NTRK2: variants seen among roughly 807,000 people sequenced by gnomAD.
NTRK2 encodes the protein BDNF/NT-3 growth factors receptor.
A neutral mutation model predicts 94.5 loss-of-function variants in NTRK2; 13 were observed. The ratio of observed to expected loss-of-function variants is 0.14; its 90% confidence interval spans 0.09 to 0.22. The LOEUF is 0.22. Among genes scored for constraint, NTRK2 ranks in the 10% least tolerant of loss-of-function variants. The pLI is 1.00. For missense variants in NTRK2, 639 were observed against 1,071.2 expected, an observed-to-expected ratio of 0.60 and a Z score of 5.63; for synonymous variants, 372 against 407.4, an observed-to-expected ratio of 0.91 and a Z score of 1.05.
chr9:84,686,584 G>A (rs1036579337), intron 2 of NTRK2, among the ~76,000 whole-genome samples: 2 of 152,194 alleles, frequency 1.3e-5, no homozygotes, highest in Non-Finnish European at 2.9e-5. Flanking sequence ...CTTGGAGTAC[G>A]GATGATAGAG....
intron 15 of NTRK2, among the ~76,000 whole-genome samples, chr9:84,947,037 C>G (rs1423529527): frequency 6.6e-6 from 1 of 152,156 alleles, no homozygotes; most frequent in South Asian, 2.1e-4. Flanking sequence ...CTCCCTGCAA[C>G]CTCTGCCTCC....
At chr9:84,889,763 C>A (rs937540459) in intron 14 of NTRK2, among the ~76,000 whole-genome samples, 5 of 152,216 alleles carry the variant, frequency 3.3e-5, no homozygotes, top group African/African-American at 1.2e-4. Flanking sequence ...GTGGCATATT[C>A]TAAAAGTATA....
chr9:84,680,152 A>G (rs1032711950), intron 2 of NTRK2, among the ~76,000 whole-genome samples: 6 of 152,182 alleles, frequency 3.9e-5, no homozygotes, highest in African/African-American at 1.4e-4. Context: ...GTGGGCTGCC[A>G]TCATGCAAAA....
At chr9:84,996,168 T>C (rs1829725177) in intron 17 of NTRK2, among the ~76,000 whole-genome samples, 1 of 152,200 alleles carries the variant, frequency 6.6e-6, no homozygotes, top group Non-Finnish European at 1.5e-5. Flanking sequence ...GTGAATAGAT[T>C]TAGCATGAAA....
At chr9:84,733,741 G>T (rs2063055104) in intron 9 of NTRK2, among the ~76,000 whole-genome samples, 1 of 152,118 alleles carries the variant, frequency 6.6e-6, no homozygotes, top group Admixed American at 6.5e-5. Context: ...TTGATATTAG[G>T]CAGGACCCAG....
chr9:84,826,377 A>G (rs2073190852), intron 12 of NTRK2, among the ~76,000 whole-genome samples: 1 of 152,152 alleles, frequency 6.6e-6, no homozygotes, highest in East Asian at 1.9e-4. Flanking sequence ...AGAAATTCTC[A>G]TTAGATTTAA....
At position 84,924,295 on chromosome 9, in the gene NTRK2, G is replaced by GAAAGAAAGAA. The variant is rs1340172014; in HGVS notation, c.1634-9866_1634-9865insAAGAAAGAAA. ...AGAAAGAAAGAAAGAAAGAAAGAAA[G>GAAAGAAAGAA]AGGAAAAAAAGGAGGTTTATGCACA... On this transcript the variant is annotated intron_variant, in intron 14 of 18. Coordinates refer to ENST00000277120, the MANE Select transcript of NTRK2 (RefSeq NM_006180.6). 4.1e-5 allele frequency among the ~76,000 whole-genome samples: 6 copies of GAAAGAAAGAA among 147,822 alleles called. No homozygotes were observed. In the South Asian group the frequency reaches 6.6e-4, roughly 16 times the overall value.
intron 17 of NTRK2, among the ~76,000 whole-genome samples, chr9:85,000,494 T>C (rs1365473613): frequency 1.3e-5 from 2 of 152,178 alleles, no homozygotes; most frequent in Admixed American, 1.3e-4. Context: ...GGAATCATAC[T>C]TGATTCCAAC....
At chr9:84,995,068 A>G (rs766890646) in intron 17 of NTRK2, among the ~76,000 whole-genome samples, 1 of 152,242 alleles carries the variant, frequency 6.6e-6, no homozygotes, top group Non-Finnish European at 1.5e-5. Context: ...AGAACTAAAA[A>G]TTCCATGTGA....
At chr9:84,921,009 T>C (rs1333070210) in intron 14 of NTRK2, among the ~76,000 whole-genome samples, 1 of 152,216 alleles carries the variant, frequency 6.6e-6, no homozygotes, top group African/African-American at 2.4e-5. Context: ...TGGTTCATAC[T>C]AACATATAAG....
chr9:84,972,109 G>T (rs1826257968), intron 17 of NTRK2, among the ~76,000 whole-genome samples: 1 of 152,186 alleles, frequency 6.6e-6, no homozygotes, highest in African/African-American at 2.4e-5. Flanking sequence ...CAACGCCAAG[G>T]TGGGAGAGTT....
chr9:84,726,022 C>A (rs2062426917), intron 8 of NTRK2, among the ~76,000 whole-genome samples: 1 of 152,050 alleles, frequency 6.6e-6, no homozygotes, highest in African/African-American at 2.4e-5. Flanking sequence ...GGAGGATTTA[C>A]CTGAATACAA....
chr9:84,931,919 C>A (rs184088044), intron 14 of NTRK2, among the ~76,000 whole-genome samples: 7 of 152,260 alleles, frequency 4.6e-5, no homozygotes, highest in South Asian at 2.1e-4. Context: ...GAACACATTT[C>A]TCTCCTCTTA....
At chr9:84,748,459 A>G (rs1032348991) in intron 11 of NTRK2, among the ~76,000 whole-genome samples, 1 of 152,230 alleles carries the variant, frequency 6.6e-6, no homozygotes, top group Non-Finnish European at 1.5e-5. Flanking sequence ...AAGCCAGGGC[A>G]GGCATTACTG....
At chr9:84,705,053 A>G (rs2060960209) in intron 4 of NTRK2, among the ~76,000 whole-genome samples, 1 of 152,136 alleles carries the variant, frequency 6.6e-6, no homozygotes, top group African/African-American at 2.4e-5. Context: ...AATATGTATT[A>G]AAAGCTGTTT....
At chr9:84,688,547 C>G (rs72737664) in intron 2 of NTRK2, among the ~76,000 whole-genome samples, 14,267 of 152,164 alleles carry the variant, frequency 0.094, 904 homozygotes, top group African/African-American at 0.17. Context: ...AGATCACAAG[C>G]AAAGCATAGA....
chr9:84,862,335 G>A (rs2075374992), intron 13 of NTRK2, among the ~76,000 whole-genome samples: 1 of 152,184 alleles, frequency 6.6e-6, no homozygotes, highest in South Asian at 2.1e-4. Flanking sequence ...GTGTATGCGT[G>A]CGTAGGTGTA....
rs1157786861 is a variant in NTRK2 at position 84,876,813 on chromosome 9, T to C, written c.1633+9382T>C. The C allele has an allele frequency of 2.8e-6, 3 of 1,062,380 alleles. No individual in the cohort carries two copies. The South Asian group carries it at 1.4e-4, about 48-fold the overall frequency. The allele number at this position is 1,062,380 out of a possible 1,614,324, so 65.8% of individuals were successfully genotyped here. On this transcript the variant is annotated intron_variant, in intron 14 of 18. Transcript: ENST00000277120. The stretch of plus-strand genomic sequence containing the variant: ...TTATTTAGAAGGCTAGCCTTTCTTT[T>C]CCAAGTGCTGTCAGAATGTATACAT...
At chr9:84,902,138 G>C (rs2132407462) in intron 14 of NTRK2, among the ~76,000 whole-genome samples, 1 of 151,582 alleles carries the variant, frequency 6.6e-6, no homozygotes, top group East Asian at 1.9e-4. Flanking sequence ...AGAAGCTGCA[G>C]GGACCTGAGA....
Sources: allele counts gnomAD v4.1 joint callset (sites outside exome capture counted in the v4.1 genomes callset), GRCh38; gene constraint gnomAD v4.1.1; transcripts MANE v1.5; gene names NCBI Gene and HGNC (gene_info 2026-07-23, HGNC 2026-07-21).